The following SRGAP1 variants were observed in gnomAD, a reference collection of about 807,000 sequenced individuals.
SRGAP1 encodes SLIT-ROBO Rho GTPase-activating protein 1.
Under a neutral mutation model 121.9 loss-of-function variants are expected in SRGAP1, and 43 were observed. The ratio of observed to expected loss-of-function variants is 0.35; its 90% CI spans 0.28 to 0.46. The LOEUF (loss-of-function observed/expected upper bound fraction) is 0.46. Among genes scored for constraint, SRGAP1 ranks in the 20% least tolerant of loss-of-function variants. SRGAP1 has a pLI of 1.00. For synonymous variants in SRGAP1, 447 were observed against 485.4 expected, an observed-to-expected ratio of 0.92 and a Z score of 1.04; for missense variants, 1,102 against 1,350.9, an observed-to-expected ratio of 0.82 and a Z score of 2.89.
intron 1 of SRGAP1, among the ~76,000 whole-genome samples, chr12:63,865,694 A>C (rs1481057529): frequency 6.6e-6 from 1 of 152,196 alleles, no homozygotes; most frequent in Non-Finnish European, 1.5e-5. Context: ...AGTGAAGTTC[A>C]TTTGGCTATT....
intron 6 of SRGAP1, among the ~76,000 whole-genome samples, chr12:64,060,959 C>G (rs2035440582): frequency 6.6e-6 from 1 of 152,160 alleles, no homozygotes; most frequent in Non-Finnish European, 1.5e-5. Flanking sequence ...TTGAATCAAA[C>G]TGAATTGATT....
chr12:64,011,903 C>A (rs991266309), intron 3 of SRGAP1, among the ~76,000 whole-genome samples: 1 of 152,020 alleles, frequency 6.6e-6, no homozygotes, highest in East Asian at 1.9e-4. Context: ...ATCACTTGAG[C>A]CCAGCCTGGG....
At position 64,065,196 on chromosome 12, in the gene SRGAP1, A is replaced by C; in HGVS notation, c.1102A>C (p.Thr368Pro). The C allele has an allele frequency of 6.2e-7, 1 of 1,613,492 alleles. No homozygotes were observed. Among genetic ancestry groups the C allele is most frequent in the Non-Finnish European group, 8.5e-7 (1 of 1,179,828 alleles). ...CCAACAGTTGCAGTCCCGCCTTGCCACGCTCAAAATCGAGAATGAAGAGGT... is the reference window on the plus strand; with the variant it reads ...CCAACAGTTGCAGTCCCGCCTTGCCCCGCTCAAAATCGAGAATGAAGAGGT... ...RYQQLQSRLATLKIENEEVKK... is the reference protein window; with the variant it reads ...RYQQLQSRLAPLKIENEEVKK... Residue 368 changes from threonine (T) to proline (P), a missense_variant, in exon 8 of 22, where the codon ACG becomes CCG. Thr to Pro is a conservative substitution (Grantham distance 38). This residue lies in a region of SRGAP1 where 747 missense variants were observed against 929.4 expected (regional missense o/e 0.80). Transcript: ENST00000355086.
chr12:63,927,634 C>T (rs1281568386), intron 1 of SRGAP1, among the ~76,000 whole-genome samples: 3 of 152,130 alleles, frequency 2.0e-5, no homozygotes, highest in African/African-American at 7.2e-5. Flanking sequence ...TTTCTCCATC[C>T]ATTTCTGCAG....
At chr12:64,097,651 C>A (rs1162446978) in intron 15 of SRGAP1, 2 of 303,482 alleles carry the variant, frequency 6.6e-6, no homozygotes, top group Non-Finnish European at 1.2e-5. Context: ...AAGCCAGGTG[C>A]CAGCTGCCTA....
intron 11 of SRGAP1, among the ~76,000 whole-genome samples, chr12:64,090,748 G>A (rs1203237243): frequency 2.0e-5 from 3 of 151,980 alleles, no homozygotes; most frequent in African/African-American, 7.3e-5. Context: ...GAGGTGGGAG[G>A]ATCCCTTGAG....
In SRGAP1 at chr12:64,062,897, G is replaced by A. The variant is rs759539969; in HGVS notation, c.802-20G>A. On this transcript the variant is annotated intron_variant, in intron 6 of 21. Transcript: ENST00000355086. ...AATTTTGCATTCATTTTTGTATGTG[G>A]TGTTCTTTTACTTTTTAAGTGCTGT... is the stretch of plus-strand genomic sequence containing the variant. 2.7e-5 allele frequency: 43 copies of A among 1,583,160 alleles called. No homozygotes were observed. Among genetic ancestry groups the A allele is most frequent in the Middle Eastern group, 1.7e-4 (1 of 5,942 alleles).
At chr12:63,891,168 C>A (rs1900565485) in intron 1 of SRGAP1, among the ~76,000 whole-genome samples, 1 of 152,136 alleles carries the variant, frequency 6.6e-6, no homozygotes, top group Non-Finnish European at 1.5e-5. Context: ...GCCTTGGATG[C>A]CTTTATTAGA....
rs1355199294 is a variant in SRGAP1, at chr12:63,951,982, T to C, written c.68-31965T>C. On this transcript the variant is annotated intron_variant, in intron 1 of 21. Transcript: ENST00000355086. ...GGTTAAGTGTGATTTAGCCAATTTT[T>C]AAAATATGTAATAGAGAGTAGGAAG... Among the ~76,000 whole-genome samples, 4 of 152,156 alleles carry C rather than the reference T, an allele frequency of 2.6e-5. No homozygotes were observed. In the East Asian group the frequency reaches 5.8e-4, roughly 22 times the overall value.
intron 1 of SRGAP1, among the ~76,000 whole-genome samples, chr12:63,971,763 G>T (rs908380688): frequency 3.7e-4 from 55 of 148,420 alleles, no homozygotes; most frequent in Admixed American, 1.8e-3. Context: ...TGTGTGTGTG[G>T]GTGTGTGTGT....
At chr12:63,849,412 T>C (rs1899003880) in intron 1 of SRGAP1, among the ~76,000 whole-genome samples, 2 of 152,228 alleles carry the variant, frequency 1.3e-5, no homozygotes, top group Admixed American at 1.3e-4. Context: ...GAGGCTGTGT[T>C]TGTTTTTAAT....
chr12:63,991,632 T>C (rs1336724038), intron 3 of SRGAP1, among the ~76,000 whole-genome samples: 1 of 152,204 alleles, frequency 6.6e-6, no homozygotes, highest in Non-Finnish European at 1.5e-5. Context: ...AGATCTCGTT[T>C]GGTTCAGCAG....
intron 1 of SRGAP1, among the ~76,000 whole-genome samples, chr12:63,938,237 T>A (rs2031736861): frequency 6.6e-6 from 1 of 152,204 alleles, no homozygotes; most frequent in South Asian, 2.1e-4. Context: ...CCTCCTCTGC[T>A]TCTAAATGTA....
Position 64,152,908 on chromosome 12 carries a change from A to AT in SRGAP1, c.*10239dup, listed in dbSNP as rs1347436281. 11 of 116,334 alleles carry AT rather than the reference A, an allele frequency of 9.5e-5. No individual in the cohort carries two copies. The highest frequency in any genetic ancestry group is 1.4e-4 in the Non-Finnish European group (8 of 57,822). 7.2% of individuals were successfully genotyped at this position (116,334 alleles called of 1,614,324 possible). A position where few individuals can be genotyped will look rare whatever the true frequency, so the allele number is the denominator to read the frequency against. On this transcript the variant is annotated 3_prime_UTR_variant, in exon 22 of 22. Coordinates refer to ENST00000355086, the MANE Select transcript of SRGAP1 (RefSeq NM_020762.4). ...CTCATGGAGTGTACTTCCTGGTATGATTTAAAAAAAAAAAAAAAAAAAAAA... is the reference window on the plus strand; with the variant it reads ...CTCATGGAGTGTACTTCCTGGTATGATTTTAAAAAAAAAAAAAAAAAAAAAA...
In SRGAP1 at chr12:64,142,789, G is replaced by T; in HGVS notation, c.*117G>T. On this transcript the variant is annotated 3_prime_UTR_variant, in exon 22 of 22. Transcript: ENST00000355086. ...TGTGCTTATAACTGGAGATCTTTTG[G>T]CTTTTCTATGTTGTCGAATGTAATG... The T allele has an allele frequency of 7.2e-7, 1 of 1,387,340 alleles. No individual in the cohort carries two copies. The highest frequency in any genetic ancestry group is 9.7e-7 in the Non-Finnish European group (1 of 1,030,250). The allele number at this position is 1,387,340 out of a possible 1,614,324, so 85.9% of individuals were successfully genotyped here. A position where few individuals can be genotyped will look rare whatever the true frequency, so the allele number is the denominator to read the frequency against.
chr12:64,160,224 C>T lies in SRGAP1; in HGVS notation c.*17552C>T, dbSNP rs569254003. The T allele has an allele frequency of 9.8e-5, 15 of 152,322 alleles. 1 individual carries two copies. The highest frequency in any genetic ancestry group is 5.2e-4 in the Admixed American group (8 of 15,288). 9.4% of individuals were successfully genotyped at this position (152,322 alleles called of 1,614,324 possible). ...TTCTCTTGAGTTGGTTCCACTATTT[C>T]CTGGAACCTCATACAGCCATCTCAG... On this transcript the variant is annotated 3_prime_UTR_variant, in exon 22 of 22. Transcript: ENST00000355086.
intron 1 of SRGAP1, among the ~76,000 whole-genome samples, chr12:63,950,039 T>C (rs1452258251): frequency 6.6e-6 from 1 of 152,210 alleles, no homozygotes; most frequent in African/African-American, 2.4e-5. Context: ...GTGTTGAGCA[T>C]TTTAACTGGT....
intron 4 of SRGAP1, among the ~76,000 whole-genome samples, chr12:64,021,264 G>T (rs886325287): frequency 6.6e-6 from 1 of 152,194 alleles, no homozygotes; most frequent in African/African-American, 2.4e-5. Flanking sequence ...GGGAATTTCA[G>T]TATTTTCACT....
chr12:64,047,419 T>C (rs977548719), intron 6 of SRGAP1, among the ~76,000 whole-genome samples: 1 of 152,216 alleles, frequency 6.6e-6, no homozygotes, highest in Non-Finnish European at 1.5e-5. Flanking sequence ...GAATTCTTCA[T>C]GCTTTGTGAG....
Sources: allele counts gnomAD v4.1 joint callset (sites outside exome capture counted in the v4.1 genomes callset), GRCh38; gene constraint gnomAD v4.1.1; regional missense constraint gnomAD v4.1.1; transcripts MANE v1.5; gene names NCBI Gene and HGNC (gene_info 2026-07-23, HGNC 2026-07-21).